Variants in UTRN observed in about 807,000 individuals in gnomAD.
The protein encoded by UTRN is utrophin, also known as dystrophin-related protein 1.
Under a neutral mutation model 463.9 loss-of-function variants are expected in UTRN, and 283 were observed. That is an observed-to-expected ratio of 0.61 (90% confidence interval 0.55 to 0.67). The LOEUF (loss-of-function observed/expected upper bound fraction) is 0.67, where lower values mean the gene tolerates loss of function less well. Ranked by LOEUF, UTRN falls within the 30% of genes least tolerant of loss-of-function variation. UTRN has a pLI of 0.00. For synonymous variants in UTRN, 1,442 were observed against 1,431.5 expected (o/e 1.01, Z -0.17); for missense variants, 3,922 against 4,084.3 (o/e 0.96, Z 1.08).
chr6:144,780,212 A>G (rs1775696466), intron 60 of UTRN, among the ~76,000 whole-genome samples: 2 of 152,146 alleles, frequency 1.3e-5, no homozygotes, highest in Admixed American at 1.3e-4. Context: ...TTGAGAGAAC[A>G]GTTTTTGCAT....
At chr6:144,674,737 T>G (rs1166319017) in intron 51 of UTRN, among the ~76,000 whole-genome samples, 2 of 152,160 alleles carry the variant, frequency 1.3e-5, no homozygotes, top group Non-Finnish European at 2.9e-5. Flanking sequence ...TTTTGTATTT[T>G]GGGTAGAGAT....
chr6:144,362,062 G>A (rs2114688411), intron 2 of UTRN, among the ~76,000 whole-genome samples: 1 of 152,090 alleles, frequency 6.6e-6, no homozygotes, highest in East Asian at 1.9e-4. Context: ...GAGTAAAATA[G>A]AGTTGTGAAT....
At chr6:144,825,554 C>T (rs900623876) in intron 66 of UTRN, among the ~76,000 whole-genome samples, 2 of 151,910 alleles carry the variant, frequency 1.3e-5, no homozygotes, top group African/African-American at 4.8e-5. Flanking sequence ...CTACCCTTGC[C>T]ATTCTCATTT....
At chr6:144,660,105 G>T (rs904727457) in intron 51 of UTRN, 2 of 432,172 alleles carry the variant, frequency 4.6e-6, no homozygotes, top group African/African-American at 4.1e-5. Flanking sequence ...GGCAAGGCTT[G>T]TAAAGGATTT....
At chr6:144,602,924 T>C (rs1434083510) in intron 51 of UTRN, among the ~76,000 whole-genome samples, 1 of 152,250 alleles carries the variant, frequency 6.6e-6, no homozygotes, top group Non-Finnish European at 1.5e-5. Flanking sequence ...GTAAAATAGC[T>C]TTTTTATGCA....
chr6:144,290,553 A>T (rs1041098354), intron 1 of UTRN, among the ~76,000 whole-genome samples: 1 of 152,150 alleles, frequency 6.6e-6, no homozygotes, highest in Non-Finnish European at 1.5e-5. Context: ...AATTTTGATC[A>T]CTTGGTTAAG....
intron 12 of UTRN, among the ~76,000 whole-genome samples, chr6:144,439,233 C>T (rs747885675): frequency 6.6e-6 from 1 of 152,108 alleles, no homozygotes; most frequent in Non-Finnish European, 1.5e-5. Context: ...AATTCTTCGT[C>T]TATGATTCAG....
rs534495870 is a variant in UTRN, at chr6:144,444,670, A to T, written c.1614+288A>T. ...TGTTTGACATCATAGTTATTAGTGG[A>T]TTTGTGTTGGGTGATGTATTTGAAT... On this transcript the variant is annotated intron_variant, in intron 14 of 74. Transcript: ENST00000367545. 3.3e-5 allele frequency among the ~76,000 whole-genome samples: 5 copies of T among 152,310 alleles called. No homozygotes were observed. In the East Asian group the frequency reaches 7.7e-4, roughly 23 times the overall value.
chr6:144,400,367 A>C (rs1324842178), intron 2 of UTRN, among the ~76,000 whole-genome samples: 1 of 152,204 alleles, frequency 6.6e-6, no homozygotes, highest in Non-Finnish European at 1.5e-5. Context: ...GAAGTTCTGT[A>C]TAAATTTCTA....
intron 58 of UTRN, among the ~76,000 whole-genome samples, chr6:144,759,545 A>C (rs1792408493): frequency 6.6e-6 from 1 of 152,176 alleles, no homozygotes; most frequent in African/African-American, 2.4e-5. Context: ...GTTAGGTTAC[A>C]AAGCAAGGGA....
intron 51 of UTRN, among the ~76,000 whole-genome samples, chr6:144,593,177 C>T (rs779182325): frequency 7.9e-5 from 12 of 151,958 alleles, no homozygotes; most frequent in Admixed American, 2.6e-4. Context: ...ACGTTCTTGG[C>T]GCAATGAACA....
chr6:144,392,165 A>G (rs934180478), intron 2 of UTRN, among the ~76,000 whole-genome samples: 1 of 152,206 alleles, frequency 6.6e-6, no homozygotes, highest in African/African-American at 2.4e-5. Flanking sequence ...TGAAATGATA[A>G]TGTTTTGGAG....
At chr6:144,783,702 C>A (rs1478961742) in intron 61 of UTRN, among the ~76,000 whole-genome samples, 3 of 152,058 alleles carry the variant, frequency 2.0e-5, no homozygotes, top group Non-Finnish European at 4.4e-5. Context: ...ACTTTTGTAC[C>A]AATTAATGAA....
At chr6:144,557,420 T>C in intron 50 of UTRN, 109 bp downstream of exon 50, 1 of 1,085,300 alleles carries the variant, frequency 9.2e-7, no homozygotes. Context: ...AAGTACATTT[T>C]ATTATTATGT....
chr6:144,342,388 G>A (rs968511706), intron 2 of UTRN, among the ~76,000 whole-genome samples: 1 of 151,484 alleles, frequency 6.6e-6, no homozygotes, highest in African/African-American at 2.4e-5. Flanking sequence ...CCACACCCAA[G>A]AGACATGAAA....
chr6:144,428,158 G>GA (rs1420535198), intron 7 of UTRN, among the ~76,000 whole-genome samples: 1 of 152,090 alleles, frequency 6.6e-6, no homozygotes, highest in Non-Finnish European at 1.5e-5. Flanking sequence ...CAATTTGTGA[G>GA]ATTAAAAGAA....
chr6:144,347,833 C>CTTTTT (rs1777715796), intron 2 of UTRN, among the ~76,000 whole-genome samples: 1 of 130,268 alleles, frequency 7.7e-6, no homozygotes, highest in African/African-American at 4.1e-5. Flanking sequence ...GTGGCTTATT[C>CTTTTT]TTTGTTTTTT....
chr6:144,337,739 T>C (rs1776845228), intron 2 of UTRN, among the ~76,000 whole-genome samples: 1 of 152,128 alleles, frequency 6.6e-6, no homozygotes, highest in Non-Finnish European at 1.5e-5. Flanking sequence ...CTCACCCTCC[T>C]GAATAGCTGG....
intron 2 of UTRN, among the ~76,000 whole-genome samples, chr6:144,347,390 G>A (rs765916229): frequency 1.3e-5 from 2 of 152,242 alleles, no homozygotes; most frequent in Non-Finnish European, 2.9e-5. Context: ...CTCCATGGGA[G>A]GGAGTAGAGG....
Sources: gnomAD v4.1 joint callset for allele counts (sites outside exome capture counted in the v4.1 genomes callset) on GRCh38, gnomAD v4.1.1 for gene constraint, MANE v1.5 for transcripts, NCBI Gene and HGNC (gene_info 2026-07-23, HGNC 2026-07-21) for gene names.